The following CSMD1 variants were observed in gnomAD, a reference collection of about 807,000 sequenced individuals.
The protein encoded by CSMD1 is CUB and Sushi multiple domains 1, also known as CUB and sushi domain-containing protein 1.
In CSMD1, 213 loss-of-function variants were observed where a neutral mutation model predicts 417.5. The ratio of observed to expected loss-of-function variants is 0.51; its 90% CI spans 0.46 to 0.57. The LOEUF is 0.57. Ranked by LOEUF, CSMD1 falls within the 20% of genes least tolerant of loss-of-function variation. CSMD1 has a pLI of 0.00. For synonymous variants in CSMD1, 2,862 were observed against 1,736.8 expected, an observed-to-expected ratio of 1.65 and a Z score of -16.11; for missense variants, 6,923 against 4,529.7, an observed-to-expected ratio of 1.53 and a Z score of -15.17.
intron 2 of CSMD1, among the ~76,000 whole-genome samples, chr8:4,609,393 C>T (rs907745597): frequency 6.6e-6 from 1 of 151,942 alleles, no homozygotes; most frequent in Non-Finnish European, 1.5e-5. Flanking sequence ...AGGGTGAGAC[C>T]CTGTCTCAGA....
chr8:3,756,936 T>C (rs1797691885), intron 5 of CSMD1, among the ~76,000 whole-genome samples: 1 of 152,086 alleles, frequency 6.6e-6, no homozygotes, highest in African/African-American at 2.4e-5. Context: ...GCTAGAGCTA[T>C]ATGTGCACAC....
chr8:4,915,507 A>G (rs946763633), intron 1 of CSMD1, among the ~76,000 whole-genome samples: 1 of 152,220 alleles, frequency 6.6e-6, no homozygotes, highest in Admixed American at 6.5e-5. Flanking sequence ...TTGGGTTTCC[A>G]TACAAAAAGC....
At chr8:4,455,846 G>A (rs374009323) in intron 2 of CSMD1, among the ~76,000 whole-genome samples, 1 of 137,452 alleles carries the variant, frequency 7.3e-6, no homozygotes, top group Non-Finnish European at 1.5e-5. Flanking sequence ...CAAGATAACT[G>A]CTTGAACCTG....
intron 2 of CSMD1, among the ~76,000 whole-genome samples, chr8:4,442,224 C>A (rs1798523981): frequency 6.6e-6 from 1 of 152,178 alleles, no homozygotes; most frequent in East Asian, 1.9e-4. Context: ...TGATGTCATA[C>A]ACAGTGCAGT....
intron 1 of CSMD1, among the ~76,000 whole-genome samples, chr8:4,744,229 G>A (rs1810808643): frequency 6.6e-6 from 1 of 152,208 alleles, no homozygotes; most frequent in African/African-American, 2.4e-5. Flanking sequence ...GGGGGGCACA[G>A]GCAAGTCCCC....
At chr8:3,138,692 G>T (rs142026755) in intron 41 of CSMD1, among the ~76,000 whole-genome samples, 14 of 152,212 alleles carry the variant, frequency 9.2e-5, no homozygotes, top group African/African-American at 3.1e-4. Context: ...TGCTACACGT[G>T]CAAGAGCTCT....
intron 48 of CSMD1, among the ~76,000 whole-genome samples, chr8:3,090,404 G>C (rs774998927): frequency 1.3e-5 from 2 of 149,918 alleles, no homozygotes; most frequent in South Asian, 2.1e-4. Context: ...TCATTGCATC[G>C]ATGTCTTTGC....
At chr8:4,887,583 A>G (rs1474311042) in intron 1 of CSMD1, among the ~76,000 whole-genome samples, 3 of 151,936 alleles carry the variant, frequency 2.0e-5, no homozygotes, top group African/African-American at 7.3e-5. Flanking sequence ...ACCAACCATT[A>G]TTTTAATCTA....
intron 23 of CSMD1, among the ~76,000 whole-genome samples, chr8:3,341,631 A>G (rs1478345586): frequency 6.6e-6 from 1 of 152,182 alleles, no homozygotes; most frequent in East Asian, 1.9e-4. Flanking sequence ...GGAGGATCCC[A>G]GGCCAACGTT....
At chr8:4,839,818 A>T (rs1800730440) in intron 1 of CSMD1, among the ~76,000 whole-genome samples, 1 of 152,234 alleles carries the variant, frequency 6.6e-6, no homozygotes, top group South Asian at 2.1e-4. Flanking sequence ...TATCGTTAAA[A>T]ATCATCTTAG....
intron 4 of CSMD1, among the ~76,000 whole-genome samples, chr8:4,000,675 C>T (rs1815597497): frequency 2.0e-5 from 3 of 152,030 alleles, no homozygotes; most frequent in Admixed American, 2.0e-4. Context: ...GATTAAATAA[C>T]TCTATATAAA....
intron 3 of CSMD1, among the ~76,000 whole-genome samples, chr8:4,359,150 G>C (rs761537686): frequency 2.0e-5 from 3 of 152,094 alleles, no homozygotes; most frequent in African/African-American, 4.8e-5. Context: ...AGCCCAGTTC[G>C]GTCACTAATA....
At chr8:4,628,306 T>C (rs1357404458) in intron 2 of CSMD1, among the ~76,000 whole-genome samples, 4 of 150,996 alleles carry the variant, frequency 2.6e-5, no homozygotes, top group African/African-American at 9.7e-5. Context: ...ATTTGCCTTT[T>C]GAGTATTAAG....
At chr8:4,576,866 T>G (rs547087916) in intron 2 of CSMD1, among the ~76,000 whole-genome samples, 2 of 152,222 alleles carry the variant, frequency 1.3e-5, no homozygotes, top group African/African-American at 2.4e-5. Context: ...AATGCTTTAG[T>G]CACATACTTC....
chr8:3,184,093 A>T (rs1821601038), intron 36 of CSMD1, among the ~76,000 whole-genome samples: 1 of 152,150 alleles, frequency 6.6e-6, no homozygotes, highest in South Asian at 2.1e-4. Flanking sequence ...GCATGATCTG[A>T]CTGCTGCTTG....
intron 3 of CSMD1, among the ~76,000 whole-genome samples, chr8:4,278,818 C>T (rs941794839): frequency 6.6e-6 from 1 of 152,084 alleles, no homozygotes; most frequent in African/African-American, 2.4e-5. Context: ...AAATTTGGCT[C>T]TTGGAGTATT....
chr8:4,840,070 T>A (rs554846662), intron 1 of CSMD1, among the ~76,000 whole-genome samples: 2 of 152,300 alleles, frequency 1.3e-5, no homozygotes, highest in South Asian at 4.1e-4. Flanking sequence ...GTGGACCGCA[T>A]CCATAGGCTT....
At position 4,629,131 on chromosome 8, in the gene CSMD1, A is replaced by G. The variant is rs370689244; in HGVS notation, c.302+8211T>C. Among the ~76,000 whole-genome samples the G allele has an allele frequency of 2.6e-5, 4 of 152,332 alleles. No homozygotes were observed. In the East Asian group the frequency reaches 7.7e-4, roughly 29 times the overall value. ...CAAACATTATCAAAATGAAACAAAA[A>G]GCATTCCTTTACATTTATTTTGTCA... On this transcript the variant is annotated intron_variant, in intron 2 of 69. Transcript: ENST00000635120.
At chr8:3,562,353 T>A in intron 10 of CSMD1, among the ~76,000 whole-genome samples, 1 of 76,534 alleles carries the variant, frequency 1.3e-5, no homozygotes, top group Non-Finnish European at 2.8e-5. Context: ...TCAGTATTGC[T>A]AATGGGACAC....
Sources: gnomAD v4.1 joint callset for allele counts (sites outside exome capture counted in the v4.1 genomes callset) on GRCh38, gnomAD v4.1.1 for gene constraint, MANE v1.5 for transcripts, NCBI Gene and HGNC (gene_info 2026-07-23, HGNC 2026-07-21) for gene names.